Variants in ARHGAP10 observed in about 807,000 individuals in gnomAD.
ARHGAP10 encodes rho GTPase-activating protein 10.
Under a neutral mutation model 108.6 loss-of-function variants are expected in ARHGAP10, and 87 were observed. The observed-to-expected ratio is 0.80, with a 90% CI of 0.67 to 0.96. The LOEUF (loss-of-function observed/expected upper bound fraction) is 0.96, where lower values mean the gene tolerates loss of function less well. Ranked by LOEUF, ARHGAP10 falls within the 40% of genes least tolerant of loss-of-function variation. The pLI, the probability that ARHGAP10 is intolerant of heterozygous loss-of-function variation, is 0.00. For missense variants in ARHGAP10, 939 were observed against 954.5 expected (o/e 0.98, Z 0.21); for synonymous variants, 347 against 341.1 (o/e 1.02, Z -0.19).
At chr4:147,768,234 C>G (rs1482187525) in intron 1 of ARHGAP10, among the ~76,000 whole-genome samples, 1 of 152,152 alleles carries the variant, frequency 6.6e-6, no homozygotes, top group Non-Finnish European at 1.5e-5. Context: ...TGGGCCCTCC[C>G]CCTGGTTCCT....
chr4:147,790,293 A>G (rs767279468), intron 1 of ARHGAP10, among the ~76,000 whole-genome samples: 2 of 152,086 alleles, frequency 1.3e-5, no homozygotes, highest in African/African-American at 2.4e-5. Flanking sequence ...TTGTGACCTC[A>G]TCTAAACTTA....
At chr4:147,981,773 T>G (rs1739815914) in intron 18 of ARHGAP10, among the ~76,000 whole-genome samples, 1 of 152,228 alleles carries the variant, frequency 6.6e-6, no homozygotes, top group African/African-American at 2.4e-5. Context: ...TAGTTAAATC[T>G]TCTTGTTGAA....
rs527952136 is a variant in ARHGAP10 at position 147,920,732 on chromosome 4, G to A, written c.1228+7593G>A. The stretch of plus-strand genomic sequence containing the variant: ...GATCAAAATGTTGCAAATTTGCACC[G>A]ATTAAGAGAATATGAGTGCATGTTG... On this transcript the variant is annotated intron_variant, in intron 13 of 22. Coordinates refer to ENST00000336498, the MANE Select transcript of ARHGAP10 (RefSeq NM_024605.4). 7.2e-5 allele frequency among the ~76,000 whole-genome samples: 11 copies of A among 152,312 alleles called. No individual in the cohort carries two copies. The East Asian group carries it at 1.5e-3, about 21-fold the overall frequency.
At chr4:147,960,119 G>T (rs1361873072) in intron 16 of ARHGAP10, among the ~76,000 whole-genome samples, 1 of 152,090 alleles carries the variant, frequency 6.6e-6, no homozygotes, top group Non-Finnish European at 1.5e-5. Flanking sequence ...ATTTTCTCTA[G>T]TGTTGATTAG....
intron 19 of ARHGAP10, among the ~76,000 whole-genome samples, chr4:148,029,296 C>T (rs929995532): frequency 2.0e-5 from 3 of 152,160 alleles, no homozygotes; most frequent in African/African-American, 7.2e-5. Context: ...GGATGGGAGG[C>T]CACTCACTCT....
intron 12 of ARHGAP10, among the ~76,000 whole-genome samples, chr4:147,910,375 T>C (rs1736683740): frequency 6.6e-6 from 1 of 152,144 alleles, no homozygotes; most frequent in Non-Finnish European, 1.5e-5. Context: ...TACAAAATAC[T>C]TTCTCTACAT....
At chr4:148,058,658 A>G (rs1246696816) in intron 20 of ARHGAP10, among the ~76,000 whole-genome samples, 1 of 152,234 alleles carries the variant, frequency 6.6e-6, no homozygotes, top group Admixed American at 6.5e-5. Context: ...CGTGGAGCGT[A>G]GAGTCTGGTA....
chr4:147,946,776 T>C (rs1738398477), intron 15 of ARHGAP10, 72 bp downstream of exon 15: 1 of 1,160,206 alleles, frequency 8.6e-7, no homozygotes, highest in Non-Finnish European at 1.2e-6. Context: ...ATGCCAATTG[T>C]GTACATAAAT....
intron 1 of ARHGAP10, among the ~76,000 whole-genome samples, chr4:147,761,434 G>A (rs1434470342): frequency 6.6e-6 from 1 of 152,274 alleles, no homozygotes; most frequent in African/African-American, 2.4e-5. Flanking sequence ...TTTCACATTT[G>A]TATGTGGCTT....
At chr4:147,899,636 CT>C (rs995381891) in intron 10 of ARHGAP10, among the ~76,000 whole-genome samples, 32 of 147,990 alleles carry the variant, frequency 2.2e-4, no homozygotes, top group East Asian at 2.0e-4. Context: ...CTATTAGAAA[CT>C]TTTTTTTTTG....
At chr4:148,044,016 C>G (rs996704874) in intron 19 of ARHGAP10, among the ~76,000 whole-genome samples, 11 of 151,966 alleles carry the variant, frequency 7.2e-5, no homozygotes, top group African/African-American at 2.7e-4. Context: ...GGAAGGAACT[C>G]TATACACTTG....
At chr4:147,797,899 C>T (rs901185112) in intron 1 of ARHGAP10, among the ~76,000 whole-genome samples, 1 of 152,098 alleles carries the variant, frequency 6.6e-6, no homozygotes, top group Non-Finnish European at 1.5e-5. Context: ...CTAGCTCATC[C>T]CACCCCAACC....
At chr4:147,944,555 T>A (rs1220571918) in intron 14 of ARHGAP10, among the ~76,000 whole-genome samples, 1 of 152,240 alleles carries the variant, frequency 6.6e-6, no homozygotes, top group Admixed American at 6.5e-5. Context: ...ACTTTTTAAG[T>A]AGCATGCACG....
intron 13 of ARHGAP10, among the ~76,000 whole-genome samples, chr4:147,919,450 A>G (rs974801425): frequency 6.6e-6 from 1 of 152,250 alleles, no homozygotes; most frequent in Non-Finnish European, 1.5e-5. Context: ...CTAATAATAC[A>G]TACCGGCTCT....
At chr4:147,756,763 G>A (rs74599272) in intron 1 of ARHGAP10, among the ~76,000 whole-genome samples, 298 of 152,228 alleles carry the variant, frequency 2.0e-3, no homozygotes, top group African/African-American at 4.9e-3. Context: ...GGATAAGGGG[G>A]GACCACTATA....
chr4:148,017,665 T>TG (rs1741397367), intron 18 of ARHGAP10, among the ~76,000 whole-genome samples: 1 of 126,856 alleles, frequency 7.9e-6, no homozygotes, highest in African/African-American at 3.7e-5. Flanking sequence ...TATATATATA[T>TG]ATATATATAT....
intron 1 of ARHGAP10, among the ~76,000 whole-genome samples, chr4:147,749,950 G>T (rs138513638): frequency 6.6e-6 from 1 of 152,218 alleles, no homozygotes; most frequent in South Asian, 2.1e-4. Context: ...TAACCACAGC[G>T]AACAGTGTTT....
intron 18 of ARHGAP10, among the ~76,000 whole-genome samples, chr4:147,997,302 A>G (rs1740513395): frequency 6.6e-6 from 1 of 152,256 alleles, no homozygotes; most frequent in Non-Finnish European, 1.5e-5. Context: ...GAAATAACTG[A>G]TCTAAGAAAG....
At chr4:147,795,920 C>G (rs1051629813) in intron 1 of ARHGAP10, among the ~76,000 whole-genome samples, 3 of 152,064 alleles carry the variant, frequency 2.0e-5, no homozygotes, top group Non-Finnish European at 2.9e-5. Context: ...GTCTCAAACT[C>G]CTGACCTCGT....
Sources: allele counts gnomAD v4.1 joint callset (sites outside exome capture counted in the v4.1 genomes callset), GRCh38; gene constraint gnomAD v4.1.1; transcripts MANE v1.5; gene names NCBI Gene and HGNC (gene_info 2026-07-23, HGNC 2026-07-21).